Variants in C5 observed in about 807,000 individuals in gnomAD.
C5 encodes the protein C3 and PZP-like alpha-2-macroglobulin domain-containing protein 4.
A neutral mutation model predicts 218.8 loss-of-function variants in C5; 140 were observed. The ratio of observed to expected loss-of-function variants is 0.64; its 90% CI spans 0.56 to 0.74. The LOEUF (loss-of-function observed/expected upper bound fraction) is 0.74, where lower values mean the gene tolerates loss of function less well. Among genes scored for constraint, C5 ranks in the 30% least tolerant of loss-of-function variants. C5 has a pLI of 0.00. For synonymous variants in C5, 614 were observed against 682.3 expected, an observed-to-expected ratio of 0.90 and a Z score of 1.56; for missense variants, 1,700 against 1,969.6, an observed-to-expected ratio of 0.86 and a Z score of 2.59.
In C5 at chr9:121,016,303, A is replaced by T. The variant is rs768999689; in HGVS notation, c.1947T>A (p.Ala649=). 1 of 1,614,006 alleles carries T rather than the reference A, an allele frequency of 6.2e-7. No homozygotes were observed. Among genetic ancestry groups the T allele is most frequent in the Non-Finnish European group, 8.5e-7 (1 of 1,179,950 alleles). Residue 649 remains alanine (A), a synonymous_variant, in exon 15 of 41, where the codon GCT becomes GCA. Coordinates refer to ENST00000223642, the MANE Select transcript of C5 (RefSeq NM_001735.3). ...TTGCATTAGTGAGGAAGGTAAGTCCAGCTAGGTGGAACACATTGGCATTGT... is the reference window on the plus strand; with the variant it reads ...TTGCATTAGTGAGGAAGGTAAGTCCTGCTAGGTGGAACACATTGGCATTGT... The part of the protein sequence containing the change: ...GLNNANVFHL[A]GLTFLTNANA...
At chr9:121,027,768 C>T (rs1464009781) in intron 7 of C5, among the ~76,000 whole-genome samples, 2 of 152,152 alleles carry the variant, frequency 1.3e-5, no homozygotes, top group African/African-American at 4.8e-5. Flanking sequence ...CAATACCATT[C>T]AGGACATAGG....
chr9:121,039,773 C>T (rs796598259), intron 3 of C5, among the ~76,000 whole-genome samples: 15 of 152,234 alleles, frequency 9.9e-5, no homozygotes, highest in African/African-American at 1.9e-4. Context: ...CTCAGCCTCC[C>T]GAGTAGCTGG....
chr9:121,052,827 T>C (rs2047679344), upstream of C5, among the ~76,000 whole-genome samples: 1 of 152,248 alleles, frequency 6.6e-6, no homozygotes, highest in South Asian at 2.1e-4. Context: ...TTTAGTTATT[T>C]TGTACTTACT....
At chr9:120,976,580 G>T in intron 29 of C5, 120 bp downstream of exon 29, 1 of 831,254 alleles carries the variant, frequency 1.2e-6, no homozygotes, top group Non-Finnish European at 2.1e-6. Context: ...TCAATTCTAG[G>T]CATTATTCAT....
In C5 at chr9:120,994,353, C is replaced by T. The variant is rs187224345; in HGVS notation, c.2851+1887G>A. 1.6e-4 allele frequency among the ~76,000 whole-genome samples: 24 copies of T among 152,170 alleles called. No homozygotes were observed. In the South Asian group the frequency reaches 2.9e-3, roughly 18 times the overall value. ...GTCCCAGCATTTTGGGAGTCCAAGG[C>T]TGGTGGGTCACTTGAGGTAAGGAGT... On this transcript the variant is annotated intron_variant, in intron 22 of 40. Transcript: ENST00000223642.
chr9:121,046,308 A>G lies in C5; in HGVS notation c.141T>C (p.Thr47=). 6.2e-7 allele frequency: 1 copy of G among 1,611,040 alleles called. No homozygotes were observed. The highest frequency in any genetic ancestry group is 1.1e-5 in the South Asian group (1 of 91,016). Residue 47 remains threonine, a synonymous_variant, in exon 2 of 41, where the codon ACT becomes ACC. Coordinates refer to ENST00000223642, the MANE Select transcript of C5 (RefSeq NM_001735.3). ...TAGAGATTGTTGCATCAAATGCTTC[A>G]GTGTATCCATAAACTTGAATCACAA... ...ENIVIQVYGY[T]EAFDATISIK...
chr9:121,023,541 T>TG, intron 9 of C5, 22 bp from the exon 10 acceptor site: 1 of 1,380,950 alleles, frequency 7.2e-7, no homozygotes, highest in Non-Finnish European at 1.0e-6. Context: ...GCAAGCATCA[T>TG]GTTGACAGTT....
chr9:120,958,292 A>C (rs2046801179), intron 38 of C5, among the ~76,000 whole-genome samples: 1 of 152,328 alleles, frequency 6.6e-6, no homozygotes, highest in East Asian at 1.9e-4. Flanking sequence ...GGGTACAGAG[A>C]GAGAACTACT....
At chr9:120,953,912 T>C in intron 39 of C5, 44 bp from the exon 40 acceptor site, 1 of 1,605,850 alleles carries the variant, frequency 6.2e-7, no homozygotes, top group Non-Finnish European at 8.5e-7. Flanking sequence ...ATTCATGTTT[T>C]AATGTCACAA....
intron 39 of C5, 34 bp from the exon 40 acceptor site, chr9:120,953,902 A>G (rs1432637587): frequency 1.9e-6 from 3 of 1,610,540 alleles, no homozygotes; most frequent in Non-Finnish European, 2.5e-6. Context: ...AGGTTATACC[A>G]TTCATGTTTT....
chr9:121,002,686 A>G (rs552501284), intron 20 of C5, among the ~76,000 whole-genome samples: 4 of 152,242 alleles, frequency 2.6e-5, no homozygotes, highest in African/African-American at 9.6e-5. Context: ...AAACCACTAC[A>G]GGAACCTGAT....
At chr9:121,002,345 C>CATATGTATAT (rs1450085710) in intron 20 of C5, among the ~76,000 whole-genome samples, 1 of 96,736 alleles carries the variant, frequency 1.0e-5, no homozygotes, top group Non-Finnish European at 2.0e-5. Context: ...TATATATACA[C>CATATGTATAT]ACATACCTAC....
chr9:120,994,371 T>C (rs1453654307), intron 22 of C5, among the ~76,000 whole-genome samples: 2 of 152,052 alleles, frequency 1.3e-5, no homozygotes, highest in Admixed American at 6.6e-5. Context: ...TCACTTGAGG[T>C]AAGGAGTTCC....
intron 20 of C5, among the ~76,000 whole-genome samples, chr9:121,003,214 T>C (rs2131734448): frequency 6.6e-6 from 1 of 151,960 alleles, no homozygotes; most frequent in South Asian, 2.1e-4. Flanking sequence ...TCACTTGAAC[T>C]TGGGAAGCGG....
intron 8 of C5, chr9:121,025,875 T>C (rs2047417507): frequency 3.1e-6 from 1 of 320,872 alleles, no homozygotes; most frequent in Admixed American, 4.5e-5. Context: ...TTCATCTTTA[T>C]AGGCCTCTCA....
At chr9:121,033,568 T>C (rs34782570) in intron 5 of C5, among the ~76,000 whole-genome samples, 3,280 of 152,354 alleles carry the variant, frequency 0.022, 85 homozygotes, top group Middle Eastern at 0.037. Flanking sequence ...TAATTTGCCA[T>C]GGGGCAAGTG....
chr9:120,993,272 C>T (rs1015631939), intron 22 of C5, among the ~76,000 whole-genome samples: 2 of 152,176 alleles, frequency 1.3e-5, no homozygotes, highest in African/African-American at 4.8e-5. Context: ...TCCTTTGACC[C>T]AGCTCCTGGA....
the C5 span, among the ~76,000 whole-genome samples, chr9:121,069,680 T>C: frequency 6.6e-6 from 1 of 152,036 alleles, no homozygotes; most frequent in Non-Finnish European, 1.5e-5. Flanking sequence ...ACCCAGCTAA[T>C]GGTTTTGATT....
At chr9:121,022,332 C>T (rs911781464) in intron 10 of C5, among the ~76,000 whole-genome samples, 16 of 150,876 alleles carry the variant, frequency 1.1e-4, no homozygotes, top group African/African-American at 3.9e-4. Flanking sequence ...CAATTCCACA[C>T]AGATATAGTT....
Sources: allele counts gnomAD v4.1 joint callset (sites outside exome capture counted in the v4.1 genomes callset), GRCh38; gene constraint gnomAD v4.1.1; transcripts MANE v1.5; gene names NCBI Gene and HGNC (gene_info 2026-07-23, HGNC 2026-07-21).